FAM107B: variants seen among roughly 807,000 people sequenced by gnomAD.
FAM107B encodes protein FAM107B.
In FAM107B, 21 loss-of-function variants were observed where a neutral mutation model predicts 31.5. The ratio of observed to expected loss-of-function variants is 0.67; its 90% CI spans 0.47 to 0.96. The LOEUF (loss-of-function observed/expected upper bound fraction) is 0.96. FAM107B is among the 40% of genes least tolerant of loss of function. FAM107B has a pLI of 0.00. For missense variants in FAM107B, 452 were observed against 377.1 expected (o/e 1.20, Z -1.64); for synonymous variants, 157 against 141.5 (o/e 1.11, Z -0.78).
chr10:14,774,745 G>C lies in FAM107B; in HGVS notation c.-82C>G. 1 of 1,442,468 alleles carries C rather than the reference G, an allele frequency of 6.9e-7. No homozygotes were observed. Among genetic ancestry groups the C allele is most frequent in the African/African-American group, 1.4e-5 (1 of 70,712 alleles). The allele number at this position is 1,442,468 out of a possible 1,614,324, so 89.4% of individuals were successfully genotyped here. On this transcript the variant is annotated 5_prime_UTR_variant, in exon 1 of 5. Transcript: ENST00000181796. ...CACATCACCTCCACTTTGCTTATAG[G>C]AACTCTTTCCAATTGCCCGAAGAGA...
At chr10:14,627,518 C>T (rs1165380769) in intron 2 of FAM107B, among the ~76,000 whole-genome samples, 1 of 152,222 alleles carries the variant, frequency 6.6e-6, no homozygotes, top group African/African-American at 2.4e-5. Flanking sequence ...TCACGCCTGT[C>T]ATCCCAACAC....
At chr10:14,648,341 G>A (rs528379771) in intron 2 of FAM107B, among the ~76,000 whole-genome samples, 21 of 152,326 alleles carry the variant, frequency 1.4e-4, no homozygotes, top group Middle Eastern at 3.4e-3. Flanking sequence ...CAGCATGAAC[G>A]AGGGGAAACA....
At chr10:14,671,902 A>C (rs75304070) in intron 1 of FAM107B, among the ~76,000 whole-genome samples, 1 of 148,206 alleles carries the variant, frequency 6.7e-6, no homozygotes, top group Non-Finnish European at 1.5e-5. Flanking sequence ...ACAAAAAAAA[A>C]ACCCTCTATT....
At chr10:14,618,015 C>T (rs1461050936) in intron 2 of FAM107B, among the ~76,000 whole-genome samples, 1 of 152,174 alleles carries the variant, frequency 6.6e-6, no homozygotes, top group Non-Finnish European at 1.5e-5. Context: ...GTAACCACCT[C>T]CACAATTATC....
chr10:14,715,094 G>C (rs1409529889), intron 1 of FAM107B, among the ~76,000 whole-genome samples: 1 of 152,160 alleles, frequency 6.6e-6, no homozygotes, highest in Non-Finnish European at 1.5e-5. Flanking sequence ...TGGACAAGTA[G>C]TGATCAGCCG....
chr10:14,534,191 T>C (rs116571457), intron 2 of FAM107B, among the ~76,000 whole-genome samples: 1 of 152,016 alleles, frequency 6.6e-6, no homozygotes. Context: ...TCAGAACAGG[T>C]GGCATGGTCC....
intron 2 of FAM107B, among the ~76,000 whole-genome samples, chr10:14,540,974 A>G (rs951049192): frequency 6.6e-6 from 1 of 152,190 alleles, no homozygotes; most frequent in Non-Finnish European, 1.5e-5. Flanking sequence ...AAAGCAACAG[A>G]GACGACAGCA....
chr10:14,559,656 G>A (rs767579219), intron 2 of FAM107B, among the ~76,000 whole-genome samples: 6 of 150,488 alleles, frequency 4.0e-5, no homozygotes, highest in Non-Finnish European at 7.4e-5. Context: ...TGCACGCTCC[G>A]CCTCCTGGGT....
intron 1 of FAM107B, among the ~76,000 whole-genome samples, chr10:14,749,299 T>G (rs2400090): frequency 0.12 from 17,505 of 152,058 alleles, 2,267 homozygotes; most frequent in African/African-American, 0.32. Flanking sequence ...CAGGGCCTGA[T>G]TGAGACTCTG....
intron 1 of FAM107B, among the ~76,000 whole-genome samples, chr10:14,755,598 T>C (rs1489576991): frequency 1.3e-5 from 2 of 152,084 alleles, no homozygotes; most frequent in East Asian, 3.8e-4. Context: ...ATCCTGTCAA[T>C]CAATTCCCTT....
At chr10:14,581,883 G>A (rs925625272) in intron 2 of FAM107B, among the ~76,000 whole-genome samples, 8 of 152,114 alleles carry the variant, frequency 5.3e-5, no homozygotes, top group Non-Finnish European at 1.2e-4. Context: ...ACTCCAGACT[G>A]GGTAACAGAG....
chr10:14,556,319 T>C (rs1244895031), intron 2 of FAM107B: 1 of 982,412 alleles, frequency 1.0e-6, no homozygotes, highest in African/African-American at 1.7e-5. Context: ...AAGTCATCAA[T>C]GGTGACTCCT....
Position 14,724,340 on chromosome 10 carries a change from C to T in FAM107B, c.411+49913G>A, listed in dbSNP as rs201309363. Among the ~76,000 whole-genome samples the T allele has an allele frequency of 4.6e-5, 7 of 152,328 alleles. No homozygotes were observed. In the East Asian group the frequency reaches 1.4e-3, roughly 29 times the overall value. On this transcript the variant is annotated intron_variant, in intron 1 of 4. Transcript: ENST00000181796. Reference sequence around the variant, plus strand: ...GCTTATGTCTATCCAGTTGTCCCAACACTATTTGTTGAAACCACTATTATT... The same window carrying T: ...GCTTATGTCTATCCAGTTGTCCCAATACTATTTGTTGAAACCACTATTATT...
At chr10:14,690,049 G>A (rs1333155327) in intron 1 of FAM107B, among the ~76,000 whole-genome samples, 1 of 151,136 alleles carries the variant, frequency 6.6e-6, no homozygotes, top group Non-Finnish European at 1.5e-5. Flanking sequence ...GAGGGAGGGA[G>A]GGAGACACCT....
chr10:14,538,568 G>T (rs544835783), intron 2 of FAM107B, among the ~76,000 whole-genome samples: 2 of 152,152 alleles, frequency 1.3e-5, no homozygotes, highest in Non-Finnish European at 2.9e-5. Flanking sequence ...GTGAATAGAC[G>T]GCAGTACCAA....
intron 1 of FAM107B, among the ~76,000 whole-genome samples, chr10:14,756,577 A>C (rs1185746877): frequency 1.3e-5 from 2 of 152,246 alleles, no homozygotes; most frequent in Non-Finnish European, 2.9e-5. Flanking sequence ...TGTGTAAATT[A>C]GTTCAGCCAT....
intron 1 of FAM107B, among the ~76,000 whole-genome samples, chr10:14,762,801 C>CACACAA (rs1554757454): frequency 2.8e-5 from 4 of 141,140 alleles, no homozygotes; most frequent in African/African-American, 7.8e-5. Flanking sequence ...CACACACACA[C>CACACAA]AAAAAGAACA....
chr10:14,669,434 T>C (rs1335067008), intron 1 of FAM107B, among the ~76,000 whole-genome samples: 1 of 151,030 alleles, frequency 6.6e-6, no homozygotes, highest in Non-Finnish European at 1.5e-5. Flanking sequence ...CAAAGGGATA[T>C]CTGCACGCCC....
chr10:14,758,017 A>G (rs962136288), intron 1 of FAM107B, among the ~76,000 whole-genome samples: 1 of 152,190 alleles, frequency 6.6e-6, no homozygotes, highest in African/African-American at 2.4e-5. Flanking sequence ...TATTTGAAGG[A>G]TGCCACCAAT....
Sources: allele counts gnomAD v4.1 joint callset (sites outside exome capture counted in the v4.1 genomes callset), GRCh38; gene constraint gnomAD v4.1.1; transcripts MANE v1.5; gene names NCBI Gene and HGNC (gene_info 2026-07-23, HGNC 2026-07-21).